SYTL5: variants seen among roughly 807,000 people sequenced by gnomAD.
SYTL5 encodes the protein synaptotagmin-like protein 5.
In SYTL5, 34 loss-of-function variants were observed where a neutral mutation model predicts 55.9. That is an observed-to-expected ratio of 0.61 (90% CI 0.46 to 0.81). The LOEUF (loss-of-function observed/expected upper bound fraction) is 0.81, where lower values mean the gene tolerates loss of function less well. Ranked by LOEUF, SYTL5 falls within the 30% of genes least tolerant of loss-of-function variation. The pLI is 0.00. For synonymous variants in SYTL5, 221 were observed against 188.7 expected, an observed-to-expected ratio of 1.17 and a Z score of -1.40; for missense variants, 637 against 546.7, an observed-to-expected ratio of 1.17 and a Z score of -1.65.
chrX:38,081,105 A>G (rs1224324622), intron 6 of SYTL5, among the ~76,000 whole-genome samples: 1 of 112,298 alleles, frequency 8.9e-6, no homozygotes, highest in Non-Finnish European at 1.9e-5. Context: ...ATTGTCCTCC[A>G]AAGGAAAATT....
At chrX:38,060,830 G>C (rs990336876) in intron 3 of SYTL5, among the ~76,000 whole-genome samples, 1 of 112,170 alleles carries the variant, frequency 8.9e-6, no homozygotes, top group Non-Finnish European at 1.9e-5. Context: ...CTTGGGACAT[G>C]TTAATGCATT....
At chrX:38,058,148 T>A (rs1391541756) in intron 3 of SYTL5, among the ~76,000 whole-genome samples, 1 of 111,485 alleles carries the variant, frequency 9.0e-6, no homozygotes, top group Non-Finnish European at 1.9e-5. Flanking sequence ...AATTAGAAAC[T>A]GATTTTTATA....
the SYTL5 span, among the ~76,000 whole-genome samples, chrX:37,995,275 C>G: frequency 9.9e-5 from 11 of 111,582 alleles, no homozygotes; most frequent in African/African-American, 3.3e-4. Context: ...TAACAAAGGT[C>G]TGAAATCAGA....
intron 6 of SYTL5, among the ~76,000 whole-genome samples, chrX:38,079,675 A>G (rs1276941463): frequency 1.8e-5 from 2 of 112,143 alleles, no homozygotes; most frequent in Non-Finnish European, 3.8e-5. Flanking sequence ...GAAACCAGGA[A>G]GGGAGTAGGA....
At chrX:38,122,659 A>G (rs1937584394) in intron 15 of SYTL5, among the ~76,000 whole-genome samples, 1 of 112,266 alleles carries the variant, frequency 8.9e-6, no homozygotes, top group Admixed American at 9.4e-5. Context: ...TGCTGGACTT[A>G]TTCACTGTCG....
intron 11 of SYTL5, 54 bp downstream of exon 11, chrX:38,106,825 T>C: frequency 1.0e-6 from 1 of 1,004,168 alleles, no homozygotes; most frequent in Non-Finnish European, 1.3e-6. Flanking sequence ...TTTTTGTCTG[T>C]ATGTGTGTTT....
At chrX:38,069,472 C>G (rs1364801243) in intron 3 of SYTL5, among the ~76,000 whole-genome samples, 1 of 111,778 alleles carries the variant, frequency 8.9e-6, no homozygotes, top group Non-Finnish European at 1.9e-5. Flanking sequence ...GTGCTCATTT[C>G]CTTGTTGACT....
At chrX:37,997,406 C>T in the SYTL5 span, among the ~76,000 whole-genome samples, 4 of 112,560 alleles carry the variant, frequency 3.6e-5, no homozygotes, top group African/African-American at 9.7e-5. Context: ...CCATCCAAAT[C>T]GCGGCTGCAG....
chrX:37,919,336 A>T, the SYTL5 span, among the ~76,000 whole-genome samples: 3 of 111,874 alleles, frequency 2.7e-5, no homozygotes, highest in African/African-American at 9.7e-5. Context: ...GGACACTATA[A>T]ACAAGGAGTT....
At chrX:38,069,747 C>G (rs932463925) in intron 3 of SYTL5, among the ~76,000 whole-genome samples, 2 of 111,924 alleles carry the variant, frequency 1.8e-5, no homozygotes, top group Non-Finnish European at 3.8e-5. Flanking sequence ...TCTGTAATGT[C>G]TGATCACATC....
intron 1 of SYTL5, among the ~76,000 whole-genome samples, chrX:38,020,253 T>A (rs965161713): frequency 5.5e-5 from 6 of 109,252 alleles, no homozygotes; most frequent in South Asian, 4.0e-4. Flanking sequence ...TGTATTTTTT[T>A]AACTGATTTT....
At chrX:38,114,078 A>T (rs990374423) in intron 13 of SYTL5, among the ~76,000 whole-genome samples, 1 of 111,122 alleles carries the variant, frequency 9.0e-6, no homozygotes, top group Admixed American at 9.5e-5. Context: ...CTAATAAAAT[A>T]CTATAACTTA....
chrX:38,085,468 A>G (rs763439522), intron 6 of SYTL5, among the ~76,000 whole-genome samples: 4 of 112,126 alleles, frequency 3.6e-5, no homozygotes, highest in Admixed American at 1.9e-4. Context: ...ATTGAGCTAC[A>G]TTCATTTTTA....
intron 2 of SYTL5, among the ~76,000 whole-genome samples, chrX:38,036,460 G>A (rs1935110292): frequency 9.0e-6 from 1 of 111,516 alleles, no homozygotes; most frequent in Non-Finnish European, 1.9e-5. Context: ...AAAGTCATTG[G>A]TTTCCTGGCT....
intron 2 of SYTL5, among the ~76,000 whole-genome samples, chrX:38,038,552 G>T (rs1233605652): frequency 1.8e-5 from 2 of 112,054 alleles, no homozygotes; most frequent in Non-Finnish European, 3.8e-5. Context: ...GGATATTTTG[G>T]GGGGAGTCTA....
At chrX:37,922,032 T>A in the SYTL5 span, among the ~76,000 whole-genome samples, 4 of 112,307 alleles carry the variant, frequency 3.6e-5, no homozygotes, top group Non-Finnish European at 7.5e-5. Flanking sequence ...GGAGGAACAA[T>A]AATCCCATTT....
chrX:38,077,549 G>A (rs772135300), intron 6 of SYTL5, among the ~76,000 whole-genome samples: 5 of 110,732 alleles, frequency 4.5e-5, no homozygotes, highest in African/African-American at 6.6e-5. Flanking sequence ...TTTCCTTAGA[G>A]GGGACACTAT....
Position 38,106,815 on chromosome X carries a change from T to A in SYTL5, c.1334+44T>A, listed in dbSNP as rs1361926671. 3 of 1,065,686 alleles carry A rather than the reference T, an allele frequency of 2.8e-6. No individual in the cohort carries two copies. In the African/African-American group the frequency reaches 5.7e-5, roughly 20 times the overall value. 87.8% of individuals were successfully genotyped at this position (1,065,686 alleles called of 1,213,427 possible). ...CCTCAGACTATTTCAGTCACTGCCT[T>A]TTTTGTCTGTATGTGTGTTTCCTTT... On this transcript the variant is annotated intron_variant, in intron 11 of 16. Transcript: ENST00000297875.
At chrX:38,002,018 C>T (rs1262444082), upstream of SYTL5, among the ~76,000 whole-genome samples, 2 of 109,440 alleles carry the variant, frequency 1.8e-5, no homozygotes, top group African/African-American at 6.7e-5. Context: ...CTCCCCACTC[C>T]CCCCACCCCA....
Sources: gnomAD v4.1 joint callset for allele counts (sites outside exome capture counted in the v4.1 genomes callset) on GRCh38, gnomAD v4.1.1 for gene constraint, MANE v1.5 for transcripts, NCBI Gene and HGNC (gene_info 2026-07-23, HGNC 2026-07-21) for gene names.